The following DRC1 variants were observed in gnomAD, a reference collection of about 807,000 sequenced individuals.
DRC1 encodes dynein regulatory complex subunit 1.
A neutral mutation model predicts 98.7 loss-of-function variants in DRC1; 74 were observed. That is an observed-to-expected ratio of 0.75 (90% CI 0.62 to 0.91). DRC1 has a LOEUF of 0.91. DRC1 is among the 40% of genes least tolerant of loss of function. The pLI, the probability that DRC1 is intolerant of heterozygous loss-of-function variation, is 0.00. For missense variants in DRC1, 875 were observed against 886.0 expected (o/e 0.99, Z 0.16); for synonymous variants, 336 against 334.1 (o/e 1.01, Z -0.06).
At chr2:26,404,202 A>G (rs1302922355) in intron 1 of DRC1, among the ~76,000 whole-genome samples, 1 of 152,188 alleles carries the variant, frequency 6.6e-6, no homozygotes, top group Non-Finnish European at 1.5e-5. Context: ...GTGCTGAAGT[A>G]ATGGATCATT....
At chr2:26,436,127 C>CTT (rs536627061) in intron 7 of DRC1, among the ~76,000 whole-genome samples, 2 of 142,848 alleles carry the variant, frequency 1.4e-5, no homozygotes, top group African/African-American at 5.1e-5. Flanking sequence ...TCTCCTGTTT[C>CTT]TTTTTTTTTT....
At chr2:26,441,954 T>C (rs1663729610) in intron 8 of DRC1, among the ~76,000 whole-genome samples, 1 of 152,240 alleles carries the variant, frequency 6.6e-6, no homozygotes, top group African/African-American at 2.4e-5. Flanking sequence ...TATCTGTTTG[T>C]GCTGCTCTAA....
intron 13 of DRC1, among the ~76,000 whole-genome samples, chr2:26,452,784 C>T (rs1040194059): frequency 6.6e-6 from 1 of 152,072 alleles, no homozygotes; most frequent in South Asian, 2.1e-4. Flanking sequence ...AAGCAAACTA[C>T]AGAACTCTAT....
intron 10 of DRC1, among the ~76,000 whole-genome samples, chr2:26,447,163 C>T (rs943101306): frequency 3.3e-5 from 5 of 151,588 alleles, no homozygotes; most frequent in Non-Finnish European, 7.4e-5. Context: ...GCCTGTCATC[C>T]CAGCACTTTG....
chr2:26,442,329 C>T (rs1013907151), intron 8 of DRC1, among the ~76,000 whole-genome samples: 1 of 152,204 alleles, frequency 6.6e-6, no homozygotes, highest in African/African-American at 2.4e-5. Context: ...ACAAAAACTT[C>T]CCACAGTAGG....
chr2:26,404,085 G>A (rs1171358341), intron 1 of DRC1, among the ~76,000 whole-genome samples: 2 of 151,966 alleles, frequency 1.3e-5, no homozygotes, highest in Non-Finnish European at 2.9e-5. Flanking sequence ...GGGCGACAGA[G>A]CGAGACTCTG....
At chr2:26,453,688 G>A (rs763639761) in intron 14 of DRC1, 139 bp downstream of exon 14, 9 of 836,402 alleles carry the variant, frequency 1.1e-5, no homozygotes, top group East Asian at 2.6e-5. Context: ...ATCTGAAGGC[G>A]GGCTGGGGCA....
intron 1 of DRC1, among the ~76,000 whole-genome samples, chr2:26,405,540 G>T (rs1443700439): frequency 6.6e-5 from 10 of 151,762 alleles, no homozygotes; most frequent in African/African-American, 2.4e-4. Context: ...GTCAGTGAGG[G>T]TGAGAAAGAG....
intron 7 of DRC1, among the ~76,000 whole-genome samples, chr2:26,437,733 C>T (rs551689186): frequency 1.1e-4 from 17 of 152,118 alleles, no homozygotes; most frequent in Admixed American, 5.9e-4. Flanking sequence ...CACACACACA[C>T]ACGACTGTAG....
Position 26,444,300 on chromosome 2 carries a change from A to G in DRC1, c.1107A>G (p.Leu369=). ...IKQFQEENQS[L]TSDYKRLVMQ... ...AGTTTCAGGAGGAGAACCAGTCTCT[A>G]ACCTCGGACTACAAACGTCTTGTGA... Residue 369 remains leucine, a synonymous_variant, in exon 9 of 17, where the codon CTA becomes CTG. Transcript: ENST00000288710. The G allele has an allele frequency of 6.2e-7, 1 of 1,614,234 alleles. No homozygotes were observed.
intron 9 of DRC1, 50 bp from the exon 10 acceptor site, chr2:26,444,666 T>G (rs1663804720): frequency 6.4e-7 from 1 of 1,556,374 alleles, no homozygotes; most frequent in African/African-American, 1.4e-5. Context: ...GAGGGGACCC[T>G]GGCCAGGTCC....
intron 1 of DRC1, among the ~76,000 whole-genome samples, chr2:26,411,217 CA>C (rs1678598172): frequency 6.6e-6 from 1 of 152,192 alleles, no homozygotes; most frequent in South Asian, 2.1e-4. Context: ...TGCTGAACAA[CA>C]GAAATACAGT....
At chr2:26,433,350 T>A (rs1437312928) in intron 7 of DRC1, among the ~76,000 whole-genome samples, 1 of 152,214 alleles carries the variant, frequency 6.6e-6, no homozygotes, top group African/African-American at 2.4e-5. Context: ...TTCCTGTTAC[T>A]TGATATCATG....
At chr2:26,433,748 C>T (rs1434307698) in intron 7 of DRC1, among the ~76,000 whole-genome samples, 9 of 152,120 alleles carry the variant, frequency 5.9e-5, no homozygotes, top group Admixed American at 5.9e-4. Context: ...GGCAGGGAGG[C>T]AGGGAGCCTG....
intron 7 of DRC1, among the ~76,000 whole-genome samples, chr2:26,438,397 C>T (rs1663629028): frequency 6.6e-6 from 1 of 151,860 alleles, no homozygotes; most frequent in African/African-American, 2.4e-5. Flanking sequence ...AAAGTTTTTA[C>T]AAAGAAAAAT....
chr2:26,430,956 ATCTT>A, intron 6 of DRC1, 84 bp downstream of exon 6: 1 of 572,474 alleles, frequency 1.7e-6, no homozygotes, highest in Non-Finnish European at 2.5e-6. Context: ...GCCTTTTTCT[ATCTT>A]TTTTTTTTTT....
intron 9 of DRC1, among the ~76,000 whole-genome samples, 177 bp from the exon 10 acceptor site, chr2:26,444,539 T>C (rs990711117): frequency 6.6e-6 from 1 of 152,198 alleles, no homozygotes; most frequent in African/African-American, 2.4e-5. Flanking sequence ...CTGCCTTTTC[T>C]TGAGATGTGT....
intron 10 of DRC1, among the ~76,000 whole-genome samples, chr2:26,446,612 T>C (rs967663684): frequency 4.6e-5 from 7 of 152,312 alleles, no homozygotes; most frequent in South Asian, 4.1e-4. Context: ...TTTAAAATCT[T>C]AGTGCTCAGT....
chr2:26,442,115 A>G (rs1032845768), intron 8 of DRC1, among the ~76,000 whole-genome samples: 1 of 152,206 alleles, frequency 6.6e-6, no homozygotes, highest in African/African-American at 2.4e-5. Flanking sequence ...CTCACACAGT[A>G]GAAGAGCGGG....
Sources: gnomAD v4.1 joint callset for allele counts (sites outside exome capture counted in the v4.1 genomes callset) on GRCh38, gnomAD v4.1.1 for gene constraint, MANE v1.5 for transcripts, NCBI Gene and HGNC (gene_info 2026-07-23, HGNC 2026-07-21) for gene names.